The following CDKAL1 variants were observed in gnomAD, a reference collection of about 807,000 sequenced individuals.
CDKAL1 encodes the protein threonylcarbamoyladenosine tRNA methylthiotransferase.
A neutral mutation model predicts 68.2 loss-of-function variants in CDKAL1; 32 were observed. That is an observed-to-expected ratio of 0.47 (90% CI 0.35 to 0.63). The LOEUF is 0.63. CDKAL1 is among the 30% of genes least tolerant of loss of function. The pLI is 0.00. For synonymous variants in CDKAL1, 234 were observed against 244.3 expected, an observed-to-expected ratio of 0.96 and a Z score of 0.39; for missense variants, 606 against 696.7, an observed-to-expected ratio of 0.87 and a Z score of 1.47.
At chr6:21,003,575 AAAAG>A (rs1200268398) in intron 11 of CDKAL1, among the ~76,000 whole-genome samples, 1 of 151,488 alleles carries the variant, frequency 6.6e-6, no homozygotes, top group African/African-American at 2.4e-5. Context: ...CAAAAATAAA[AAAAG>A]AAAGAAAAAA....
At chr6:20,597,560 G>A (rs988213172) in intron 4 of CDKAL1, among the ~76,000 whole-genome samples, 18 of 152,086 alleles carry the variant, frequency 1.2e-4, no homozygotes, top group African/African-American at 3.9e-4. Flanking sequence ...GATTACAGGT[G>A]TGCACCACCA....
chr6:21,118,104 C>T lies in CDKAL1; in HGVS notation c.1299+9641C>T, dbSNP rs149409230. ...TCCAGGAAGAAGAATTTTCCAATCTCTCCCTACCCCCCAGAAGGTTCACTT... is the reference window on the plus strand; with the variant it reads ...TCCAGGAAGAAGAATTTTCCAATCTTTCCCTACCCCCCAGAAGGTTCACTT... On this transcript the variant is annotated intron_variant, in intron 13 of 15. Transcript: ENST00000274695. Among the ~76,000 whole-genome samples, 499 of 152,286 alleles carry T rather than the reference C, an allele frequency of 3.3e-3. 3 individuals carry two copies. The highest frequency in any genetic ancestry group is 0.012 in the African/African-American group (487 of 41,568).
intron 4 of CDKAL1, among the ~76,000 whole-genome samples, chr6:20,595,871 T>C (rs1226357778): frequency 2.0e-5 from 3 of 152,134 alleles, no homozygotes; most frequent in Admixed American, 2.0e-4. Flanking sequence ...GACGTCCTTT[T>C]TGTTGATGTT....
intron 12 of CDKAL1, among the ~76,000 whole-genome samples, chr6:21,094,011 C>A (rs1356795767): frequency 6.6e-6 from 1 of 151,264 alleles, no homozygotes; most frequent in Non-Finnish European, 1.5e-5. Context: ...GGACTACAGG[C>A]ATAAGTCACT....
chr6:21,084,282 A>G (rs1313272543), intron 12 of CDKAL1, among the ~76,000 whole-genome samples: 1 of 152,186 alleles, frequency 6.6e-6, no homozygotes, highest in Non-Finnish European at 1.5e-5. Context: ...TTTTAAAATA[A>G]AATATTTTGA....
chr6:20,578,918 A>G (rs1456924341), intron 4 of CDKAL1, among the ~76,000 whole-genome samples: 1 of 152,218 alleles, frequency 6.6e-6, no homozygotes, highest in Non-Finnish European at 1.5e-5. Flanking sequence ...GGACAATGGA[A>G]GAGAGTTACT....
At chr6:20,713,673 G>T (rs926304890) in intron 5 of CDKAL1, among the ~76,000 whole-genome samples, 28 of 152,158 alleles carry the variant, frequency 1.8e-4, no homozygotes, top group African/African-American at 6.7e-4. Flanking sequence ...TTTTATGATC[G>T]ATTTTGACTT....
chr6:20,768,703 G>A (rs1774806432), intron 7 of CDKAL1, among the ~76,000 whole-genome samples: 1 of 152,134 alleles, frequency 6.6e-6, no homozygotes, highest in African/African-American at 2.4e-5. Flanking sequence ...CCTCTTTGAA[G>A]GAGCTTTCAT....
intron 9 of CDKAL1, among the ~76,000 whole-genome samples, chr6:20,894,868 T>A (rs571938116): frequency 2.0e-4 from 30 of 152,154 alleles, no homozygotes; most frequent in Non-Finnish European, 4.1e-4. Context: ...GTAGGTAAGA[T>A]AACTGATACT....
At chr6:20,569,947 G>A (rs1267119709) in intron 4 of CDKAL1, among the ~76,000 whole-genome samples, 2 of 152,158 alleles carry the variant, frequency 1.3e-5, no homozygotes, top group Admixed American at 1.3e-4. Context: ...ACGTGTATCT[G>A]AGAGCTGGGA....
At chr6:21,230,696 G>T in intron 15 of CDKAL1, 152 bp from the exon 16 acceptor site, 1 of 545,306 alleles carries the variant, frequency 1.8e-6, no homozygotes, top group Non-Finnish European at 3.1e-6. Flanking sequence ...CCTACCTTGG[G>T]GCCACCTGGC....
intron 11 of CDKAL1, among the ~76,000 whole-genome samples, chr6:21,060,157 T>C (rs1196647616): frequency 1.3e-5 from 2 of 152,210 alleles, no homozygotes; most frequent in Non-Finnish European, 2.9e-5. Flanking sequence ...TGAAACCATA[T>C]AGTCTTGGGT....
chr6:20,971,323 A>G (rs1397185487), intron 10 of CDKAL1, among the ~76,000 whole-genome samples: 1 of 152,202 alleles, frequency 6.6e-6, no homozygotes, highest in African/African-American at 2.4e-5. Context: ...TGTCCCCTTC[A>G]CTATGCCGTG....
chr6:21,179,466 T>C (rs1323082929), intron 13 of CDKAL1, among the ~76,000 whole-genome samples: 2 of 152,236 alleles, frequency 1.3e-5, no homozygotes, highest in Non-Finnish European at 2.9e-5. Flanking sequence ...CTGTATTTTC[T>C]AGGAAATGCT....
chr6:21,203,145 GCGCAA>G (rs1019132342), intron 15 of CDKAL1, among the ~76,000 whole-genome samples: 9 of 151,060 alleles, frequency 6.0e-5, no homozygotes, highest in African/African-American at 2.2e-4. Context: ...TGCCTCCTGG[GCGCAA>G]GCAATCGTCC....
chr6:20,610,509 G>A (rs1241303572), intron 4 of CDKAL1, among the ~76,000 whole-genome samples: 1 of 133,162 alleles, frequency 7.5e-6, no homozygotes, highest in African/African-American at 2.7e-5. Context: ...CTTTTTTTTT[G>A]AAGTAGTGAC....
At chr6:20,538,643 AAT>A (rs1433216843) in intron 2 of CDKAL1, among the ~76,000 whole-genome samples, 1 of 152,210 alleles carries the variant, frequency 6.6e-6, no homozygotes, top group Non-Finnish European at 1.5e-5. Context: ...GCTTTTAATT[AAT>A]GTTATTTAAT....
At chr6:20,864,455 G>GT (rs1291444925) in intron 9 of CDKAL1, among the ~76,000 whole-genome samples, 1 of 152,100 alleles carries the variant, frequency 6.6e-6, no homozygotes, top group Non-Finnish European at 1.5e-5. Flanking sequence ...TGCCTATTAA[G>GT]TGGAGAGTTT....
intron 13 of CDKAL1, among the ~76,000 whole-genome samples, chr6:21,142,647 G>A (rs540915623): frequency 6.6e-6 from 1 of 152,332 alleles, no homozygotes; most frequent in South Asian, 2.1e-4. Flanking sequence ...CATGAGCAGT[G>A]TTGTTGACAA....
Sources: allele counts gnomAD v4.1 joint callset (sites outside exome capture counted in the v4.1 genomes callset), GRCh38; gene constraint gnomAD v4.1.1; transcripts MANE v1.5; gene names NCBI Gene and HGNC (gene_info 2026-07-23, HGNC 2026-07-21).